The following DLG2 variants were observed in gnomAD, a reference collection of about 807,000 sequenced individuals.
The protein encoded by DLG2 is disks large homolog 2.
Under a neutral mutation model 132.5 loss-of-function variants are expected in DLG2, and 45 were observed. That is an observed-to-expected ratio of 0.34 (90% CI 0.27 to 0.44). The LOEUF (loss-of-function observed/expected upper bound fraction) is 0.44. Ranked by LOEUF, DLG2 falls within the 20% of genes least tolerant of loss-of-function variation. The probability of loss-of-function intolerance (pLI) is 1.00; values close to 1 mark genes in which losing one functional copy is unlikely to be tolerated. For missense variants in DLG2, 1,045 were observed against 1,196.9 expected (o/e 0.87, Z 1.87); for synonymous variants, 424 against 419.6 (o/e 1.01, Z -0.13).
At chr11:83,858,572 T>C (rs1399662810) in intron 16 of DLG2, among the ~76,000 whole-genome samples, 4 of 152,316 alleles carry the variant, frequency 2.6e-5, no homozygotes, top group Non-Finnish European at 5.9e-5. Flanking sequence ...GATCATTTTC[T>C]CACAAGGAGG....
chr11:85,319,396 A>G (rs1024440013), intron 3 of DLG2, among the ~76,000 whole-genome samples: 7 of 151,850 alleles, frequency 4.6e-5, no homozygotes, highest in Non-Finnish European at 7.4e-5. Context: ...ACATTTTAAT[A>G]GATGCCACTT....
At chr11:84,234,219 G>A (rs2097130319) in intron 8 of DLG2, among the ~76,000 whole-genome samples, 1 of 152,134 alleles carries the variant, frequency 6.6e-6, no homozygotes, top group African/African-American at 2.4e-5. Flanking sequence ...CAAGTCAAAA[G>A]ATCAAGCCGT....
chr11:85,205,112 T>C (rs895053877), intron 4 of DLG2, among the ~76,000 whole-genome samples: 10 of 148,726 alleles, frequency 6.7e-5, no homozygotes, highest in African/African-American at 2.5e-4. Context: ...AATTAATGGA[T>C]AAAGAAATAT....
chr11:83,539,975 A>T (rs573206165), intron 20 of DLG2, among the ~76,000 whole-genome samples: 1 of 152,320 alleles, frequency 6.6e-6, no homozygotes, highest in Admixed American at 6.5e-5. Context: ...AAAACTGTAT[A>T]GTTCAACCCC....
chr11:83,497,070 A>G (rs901450503), intron 21 of DLG2, among the ~76,000 whole-genome samples: 1 of 152,156 alleles, frequency 6.6e-6, no homozygotes, highest in Non-Finnish European at 1.5e-5. Flanking sequence ...TCATTTTGGT[A>G]TCTCTGGGAT....
chr11:83,884,620 C>G (rs1366890523), intron 15 of DLG2, among the ~76,000 whole-genome samples: 1 of 152,238 alleles, frequency 6.6e-6, no homozygotes, highest in Non-Finnish European at 1.5e-5. Flanking sequence ...AGCTGGAGAT[C>G]TGAGGACGGG....
intron 3 of DLG2, among the ~76,000 whole-genome samples, chr11:85,385,534 T>C (rs977281034): frequency 2.6e-5 from 4 of 152,182 alleles, no homozygotes; most frequent in African/African-American, 9.7e-5. Context: ...TCCAATCTAA[T>C]GATAAACATC....
chr11:84,626,082 G>A (rs1034044130), intron 6 of DLG2, among the ~76,000 whole-genome samples: 2 of 152,096 alleles, frequency 1.3e-5, no homozygotes, highest in African/African-American at 4.8e-5. Context: ...AGACTAGTTC[G>A]GGTGATTCAG....
At chr11:84,323,982 G>A (rs760811532) in intron 7 of DLG2, among the ~76,000 whole-genome samples, 7 of 151,678 alleles carry the variant, frequency 4.6e-5, no homozygotes, top group Admixed American at 6.6e-5. Context: ...TATATACTTC[G>A]CAAATATTTT....
intron 12 of DLG2, among the ~76,000 whole-genome samples, chr11:83,980,211 G>A (rs755839709): frequency 1.4e-4 from 21 of 152,102 alleles, no homozygotes; most frequent in Non-Finnish European, 2.6e-4. Context: ...GGCTTTGTAA[G>A]AAGAGAAAGA....
intron 6 of DLG2, among the ~76,000 whole-genome samples, chr11:84,895,095 T>C (rs184108746): frequency 7.9e-5 from 12 of 152,334 alleles, no homozygotes; most frequent in Admixed American, 3.9e-4. Context: ...TAAAATTTAA[T>C]TGTAGAATTA....
intron 18 of DLG2, among the ~76,000 whole-genome samples, chr11:83,737,424 A>T (rs1039350485): frequency 2.0e-5 from 3 of 152,228 alleles, no homozygotes; most frequent in African/African-American, 7.2e-5. Context: ...TCTATTTTTT[A>T]AAATTATGCT....
At chr11:83,967,993 C>G (rs1309948591) in intron 12 of DLG2, among the ~76,000 whole-genome samples, 1 of 152,052 alleles carries the variant, frequency 6.6e-6, no homozygotes, top group African/African-American at 2.4e-5. Flanking sequence ...ATCATGTTCT[C>G]TTATTTTCTT....
At chr11:83,556,477 A>T (rs149490725) in intron 19 of DLG2, among the ~76,000 whole-genome samples, 2,361 of 151,412 alleles carry the variant, frequency 0.016, 75 homozygotes, top group African/African-American at 0.053. Context: ...GGTTCAAGTG[A>T]TCCTCCCATC....
intron 6 of DLG2, among the ~76,000 whole-genome samples, chr11:84,547,366 C>A (rs1176833656): frequency 6.6e-6 from 1 of 152,166 alleles, no homozygotes. Flanking sequence ...TCACAGCCCT[C>A]CTAGTCTCAC....
Position 85,024,560 on chromosome 11 carries a change from T to C in DLG2, c.357+87101A>G, listed in dbSNP as rs373098406. 2.9e-4 allele frequency among the ~76,000 whole-genome samples: 44 copies of C among 152,298 alleles called. 1 individual carries two copies. The South Asian group carries it at 8.9e-3, about 31-fold the overall frequency. On this transcript the variant is annotated intron_variant, in intron 6 of 27. Coordinates refer to ENST00000376104, the MANE Select transcript of DLG2 (RefSeq NM_001142699.3). ...CCTGAAGCCCAAAAGAAACGAATAATTGTCTCGACTCTTCATTGCATGTTG... is the reference window on the plus strand; with the variant it reads ...CCTGAAGCCCAAAAGAAACGAATAACTGTCTCGACTCTTCATTGCATGTTG...
intron 8 of DLG2, among the ~76,000 whole-genome samples, chr11:84,180,956 A>C (rs1015594440): frequency 1.3e-5 from 2 of 151,932 alleles, no homozygotes; most frequent in African/African-American, 4.8e-5. Context: ...AAAGGTCAGA[A>C]ACATTGATCT....
chr11:84,082,057 ATT>A (rs2096912326), intron 10 of DLG2, among the ~76,000 whole-genome samples: 1 of 152,040 alleles, frequency 6.6e-6, no homozygotes, highest in Non-Finnish European at 1.5e-5. Flanking sequence ...TTTGATTTGC[ATT>A]TCTCTGATGA....
At chr11:83,784,379 T>C (rs2094953990) in intron 18 of DLG2, among the ~76,000 whole-genome samples, 1 of 152,198 alleles carries the variant, frequency 6.6e-6, no homozygotes. Flanking sequence ...AAAGTTTGGA[T>C]AGGAGAGGAA....
Sources: gnomAD v4.1 joint callset for allele counts (sites outside exome capture counted in the v4.1 genomes callset) on GRCh38, gnomAD v4.1.1 for gene constraint, MANE v1.5 for transcripts, NCBI Gene and HGNC (gene_info 2026-07-23, HGNC 2026-07-21) for gene names.